RIMS3: variants seen among roughly 807,000 people sequenced by gnomAD.
RIMS3 encodes regulating synaptic membrane exocytosis protein 3.
Under a neutral mutation model 29.2 loss-of-function variants are expected in RIMS3, and 15 were observed. The observed-to-expected ratio is 0.51, with a 90% CI of 0.34 to 0.79. The LOEUF (loss-of-function observed/expected upper bound fraction) is 0.79, where lower values mean the gene tolerates loss of function less well. RIMS3 is among the 30% of genes least tolerant of loss of function. The pLI, the probability that RIMS3 is intolerant of heterozygous loss-of-function variation, is 0.01. For missense variants in RIMS3, 342 were observed against 421.4 expected (o/e 0.81, Z 1.65); for synonymous variants, 161 against 170.1 (o/e 0.95, Z 0.41).
At chr1:40,649,381 C>T (rs1404808077) in intron 1 of RIMS3, among the ~76,000 whole-genome samples, 1 of 152,196 alleles carries the variant, frequency 6.6e-6, no homozygotes, top group Non-Finnish European at 1.5e-5. Context: ...CATAGTCGTT[C>T]ACAGACTCAC....
At chr1:40,671,978 G>A in the RIMS3 span, among the ~76,000 whole-genome samples, 3 of 151,582 alleles carry the variant, frequency 2.0e-5, no homozygotes, top group Non-Finnish European at 2.9e-5. Flanking sequence ...GGCTGGTCTC[G>A]AACTCCTGAT....
At chr1:40,628,766 C>T in intron 7 of RIMS3, 44 bp downstream of exon 7, 2 of 1,613,584 alleles carry the variant, frequency 1.2e-6, no homozygotes, top group South Asian at 1.1e-5. Context: ...TTACAACTTC[C>T]AGTCTGTGAG....
At chr1:40,658,537 C>T (rs1342084639) in intron 1 of RIMS3, among the ~76,000 whole-genome samples, 1 of 152,166 alleles carries the variant, frequency 6.6e-6, no homozygotes, top group African/African-American at 2.4e-5. Flanking sequence ...TTGATCCTTC[C>T]CAGTAGGCTA....
the RIMS3 span, among the ~76,000 whole-genome samples, chr1:40,690,209 A>G: frequency 4.6e-5 from 7 of 152,214 alleles, no homozygotes; most frequent in Non-Finnish European, 8.8e-5. Flanking sequence ...TGGCAAGCAT[A>G]GTATATGCAA....
At chr1:40,671,449 G>A in the RIMS3 span, among the ~76,000 whole-genome samples, 18,660 of 151,622 alleles carry the variant, frequency 0.12, 1,266 homozygotes, top group African/African-American at 0.15. Flanking sequence ...TGTTGGAGGT[G>A]GGGCCTGGTG....
the RIMS3 span, chr1:40,687,580 CAA>C: frequency 9.1e-6 from 1 of 110,432 alleles, no homozygotes; most frequent in Non-Finnish European, 1.7e-5. Context: ...GCAGCCCCGG[CAA>C]CAAGAGCAAA....
intron 3 of RIMS3, among the ~76,000 whole-genome samples, chr1:40,638,969 G>A (rs1646538965): frequency 1.3e-5 from 2 of 152,346 alleles, no homozygotes; most frequent in South Asian, 4.1e-4. Flanking sequence ...TAAACTGGAA[G>A]AAGGCAGGCA....
At chr1:40,650,885 A>AAT (rs1646628135) in intron 1 of RIMS3, among the ~76,000 whole-genome samples, 2 of 133,928 alleles carry the variant, frequency 1.5e-5, no homozygotes, top group South Asian at 4.6e-4. Flanking sequence ...AAAAAAAAAA[A>AAT]AAAAAAGAGC....
In RIMS3 at chr1:40,657,371, G is replaced by A. The variant is rs113993287; in HGVS notation, c.-207+8023C>T. ...TCCCAAACAGCAAGCAGACAAATCA[G>A]CAAATCACCGAGATTAAGAGAGGTG... is the stretch of plus-strand genomic sequence containing the variant. On this transcript the variant is annotated intron_variant, in intron 1 of 7. Coordinates refer to ENST00000372684, the MANE Select transcript of RIMS3 (RefSeq NM_014747.3). 9.6e-3 allele frequency among the ~76,000 whole-genome samples: 1,462 copies of A among 152,290 alleles called. 15 individuals carry two copies. Among genetic ancestry groups the A allele is most frequent in the South Asian group, 0.043 (206 of 4,814 alleles).
intron 1 of RIMS3, among the ~76,000 whole-genome samples, chr1:40,661,214 T>G (rs1046989351): frequency 6.6e-6 from 1 of 152,130 alleles, no homozygotes; most frequent in Non-Finnish European, 1.5e-5. Flanking sequence ...TAATAGTACC[T>G]ACCTCATAGG....
the RIMS3 span, among the ~76,000 whole-genome samples, chr1:40,686,080 C>A: frequency 6.6e-6 from 1 of 151,992 alleles, no homozygotes; most frequent in African/African-American, 2.4e-5. Context: ...ACCTGGGAGG[C>A]AGAGGTTGCA....
chr1:40,638,490 A>T lies in RIMS3; in HGVS notation c.218-2433T>A, dbSNP rs142499572. Among the ~76,000 whole-genome samples the T allele has an allele frequency of 6.1e-4, 93 of 152,284 alleles. 3 individuals carry two copies. The East Asian group carries it at 0.015, about 25-fold the overall frequency. On this transcript the variant is annotated intron_variant, in intron 3 of 7. Transcript: ENST00000372684. The stretch of plus-strand genomic sequence containing the variant: ...CTCCAGAGACCAAAAGACTCCAGGA[A>T]CCATCCCATCTGTCCCATCACAAAC...
intron 2 of RIMS3, 60 bp from the exon 3 acceptor site, chr1:40,642,016 C>T (rs1646562116): frequency 1.9e-6 from 2 of 1,054,136 alleles, no homozygotes; most frequent in Non-Finnish European, 2.9e-6. Flanking sequence ...CTACTGCAGT[C>T]CCACCACTTC....
Position 40,665,553 on chromosome 1 carries a change from G to A in RIMS3, c.-366C>T, listed in dbSNP as rs1642412150. 1 of 152,140 alleles carries A rather than the reference G, an allele frequency of 6.6e-6. No homozygotes were observed. The highest frequency in any genetic ancestry group is 1.5e-5 in the Non-Finnish European group (1 of 68,012). The allele number at this position is 152,140 out of a possible 1,614,324, so 9.4% of individuals were successfully genotyped here. ...GCGGACTCCGAGTGGATAGGCACGC[G>A]GGGCGGGGAGGGGCGGCGAGGGAGG... On this transcript the variant is annotated 5_prime_UTR_variant, in exon 1 of 8. Coordinates refer to ENST00000372684, the MANE Select transcript of RIMS3 (RefSeq NM_014747.3).
intron 1 of RIMS3, among the ~76,000 whole-genome samples, chr1:40,659,351 C>T (rs888626724): frequency 5.3e-5 from 8 of 152,160 alleles, no homozygotes; most frequent in Admixed American, 5.2e-4. Context: ...GAGGCCTTTT[C>T]CTGTCAGTGA....
chr1:40,679,477 T>G, the RIMS3 span, among the ~76,000 whole-genome samples: 1 of 152,198 alleles, frequency 6.6e-6, no homozygotes, highest in African/African-American at 2.4e-5. Flanking sequence ...TCAGCTAATG[T>G]GGGTACCTTA....
chr1:40,658,363 C>T (rs1642300670), intron 1 of RIMS3, among the ~76,000 whole-genome samples: 1 of 152,228 alleles, frequency 6.6e-6, no homozygotes, highest in African/African-American at 2.4e-5. Context: ...AGTCACAATT[C>T]CAGGCCTTTT....
the RIMS3 span, among the ~76,000 whole-genome samples, chr1:40,685,364 AAT>A: frequency 7.2e-5 from 3 of 41,696 alleles, no homozygotes; most frequent in Admixed American, 2.6e-4. Context: ...TATATAATAT[AAT>A]ATATATTAAT....
intron 5 of RIMS3, among the ~76,000 whole-genome samples, chr1:40,630,070 CAA>C (rs35370598): frequency 2.5e-3 from 264 of 103,666 alleles, no homozygotes; most frequent in Middle Eastern, 9.0e-3. Context: ...GACTCCGTCT[CAA>C]AAAAAAAAAA....
Sources: gnomAD v4.1 joint callset for allele counts (sites outside exome capture counted in the v4.1 genomes callset) on GRCh38, gnomAD v4.1.1 for gene constraint, MANE v1.5 for transcripts, NCBI Gene and HGNC (gene_info 2026-07-23, HGNC 2026-07-21) for gene names.